Variants in ZHX2 observed in about 807,000 individuals in gnomAD.
The protein encoded by ZHX2 is zinc fingers and homeoboxes 2, also known as zinc fingers and homeoboxes protein 2.
ZHX2 carries 6 observed loss-of-function variants against 21.9 expected under a neutral mutation model. That is an observed-to-expected ratio of 0.27 (90% CI 0.15 to 0.54). The LOEUF (loss-of-function observed/expected upper bound fraction) is 0.54, where lower values mean the gene tolerates loss of function less well. Ranked by LOEUF, ZHX2 falls within the 20% of genes least tolerant of loss-of-function variation. The pLI is 0.95. For missense variants in ZHX2, 908 were observed against 1,090.7 expected (o/e 0.83, Z 2.36); for synonymous variants, 434 against 437.1 (o/e 0.99, Z 0.09).
chr8:122,916,471 G>C (rs1438640064), intron 2 of ZHX2, among the ~76,000 whole-genome samples: 1 of 152,110 alleles, frequency 6.6e-6, no homozygotes, highest in Non-Finnish European at 1.5e-5. Flanking sequence ...GAGGGGCTTC[G>C]GTGCCTTTCT....
intron 1 of ZHX2, among the ~76,000 whole-genome samples, chr8:122,807,572 G>A (rs77471573): frequency 0.032 from 4,903 of 152,296 alleles, 100 homozygotes; most frequent in Middle Eastern, 0.061. Flanking sequence ...TGGAAAACAC[G>A]TGTTATGCCC....
At chr8:122,845,089 G>A (rs1237667129) in intron 1 of ZHX2, among the ~76,000 whole-genome samples, 1 of 152,074 alleles carries the variant, frequency 6.6e-6, no homozygotes, top group Non-Finnish European at 1.5e-5. Flanking sequence ...TACAAACACA[G>A]ACAGACAAAG....
chr8:122,958,485 T>C (rs1813362432), intron 3 of ZHX2, among the ~76,000 whole-genome samples: 1 of 152,252 alleles, frequency 6.6e-6, no homozygotes, highest in Admixed American at 6.5e-5. Context: ...TTCCCATTAA[T>C]TGACACCCAC....
At chr8:122,827,346 C>G (rs6470119) in intron 1 of ZHX2, among the ~76,000 whole-genome samples, 4,067 of 151,942 alleles carry the variant, frequency 0.027, 199 homozygotes, top group African/African-American at 0.093. Context: ...CCTACGTAAG[C>G]TTTTTTTTAA....
chr8:122,842,300 C>T (rs59623949), intron 1 of ZHX2, among the ~76,000 whole-genome samples: 4,580 of 152,348 alleles, frequency 0.03, 232 homozygotes, highest in African/African-American at 0.1. Context: ...CCTACCAGGC[C>T]TGCTTCCCCA....
At chr8:122,930,357 T>G (rs1820954265) in intron 2 of ZHX2, among the ~76,000 whole-genome samples, 2 of 152,226 alleles carry the variant, frequency 1.3e-5, no homozygotes, top group African/African-American at 4.8e-5. Context: ...CAGAATTGCT[T>G]AGAAATGTGA....
chr8:122,885,273 C>A (rs1819813631), intron 2 of ZHX2, among the ~76,000 whole-genome samples: 1 of 152,202 alleles, frequency 6.6e-6, no homozygotes, highest in African/African-American at 2.4e-5. Flanking sequence ...GCAGAATGAT[C>A]TTTGGCAAGT....
chr8:122,910,749 TG>T (rs1287645517), intron 2 of ZHX2, among the ~76,000 whole-genome samples: 4 of 128,328 alleles, frequency 3.1e-5, no homozygotes, highest in South Asian at 6.0e-4. Context: ...GGGTGGGGGG[TG>T]GGGGGTGAGG....
At chr8:122,796,860 A>G (rs139664583) in intron 1 of ZHX2, among the ~76,000 whole-genome samples, 2 of 152,326 alleles carry the variant, frequency 1.3e-5, no homozygotes, top group African/African-American at 4.8e-5. Flanking sequence ...GTGGGAAGAC[A>G]GTAAAATCTG....
chr8:122,930,029 A>G (rs989349691), intron 2 of ZHX2, among the ~76,000 whole-genome samples: 8 of 152,200 alleles, frequency 5.3e-5, no homozygotes, highest in African/African-American at 1.9e-4. Flanking sequence ...TCTAAAACCC[A>G]GAAGGTAACA....
intron 1 of ZHX2, among the ~76,000 whole-genome samples, chr8:122,835,483 G>A (rs1818473307): frequency 6.6e-6 from 1 of 152,166 alleles, no homozygotes; most frequent in Non-Finnish European, 1.5e-5. Flanking sequence ...GGCAATACTA[G>A]AATTGTCCTG....
Position 122,828,744 on chromosome 8 carries a change from T to A in ZHX2, c.-282-34733T>A, listed in dbSNP as rs1818312705. On this transcript the variant is annotated intron_variant, in intron 1 of 3. Transcript: ENST00000314393. This position sits in a 1 kb window ranked among gnomAD's most constrained non-coding sequence, Gnocchi z 5.2. Reference sequence around the variant, plus strand: ...CACGCTTCGCAGGGCTGATGGATCGTGCCTGCAAAGGGGTTCTTGGAAGGC... The same window carrying A: ...CACGCTTCGCAGGGCTGATGGATCGAGCCTGCAAAGGGGTTCTTGGAAGGC... 6.6e-6 allele frequency among the ~76,000 whole-genome samples: 1 copy of A among 152,224 alleles called. No individual in the cohort carries two copies. The highest frequency in any genetic ancestry group is 2.4e-5 in the African/African-American group (1 of 41,464).
chr8:122,799,303 C>T (rs1027691362), intron 1 of ZHX2, among the ~76,000 whole-genome samples: 6 of 152,166 alleles, frequency 3.9e-5, no homozygotes, highest in Non-Finnish European at 5.9e-5. Flanking sequence ...CTCTTTCCTC[C>T]GTCACAGAGA....
intron 1 of ZHX2, among the ~76,000 whole-genome samples, chr8:122,842,639 G>A (rs1326665117): frequency 3.3e-5 from 5 of 152,238 alleles, no homozygotes; most frequent in East Asian, 1.9e-4. Context: ...CCCGGGAGGC[G>A]GAGCTGGCAA....
chr8:122,918,923 G>A (rs951754286), intron 2 of ZHX2, among the ~76,000 whole-genome samples: 1 of 151,138 alleles, frequency 6.6e-6, no homozygotes, highest in African/African-American at 2.4e-5. Context: ...ACTCCAGACT[G>A]GTGACCGAGC....
intron 3 of ZHX2, among the ~76,000 whole-genome samples, chr8:122,956,343 G>A (rs1210534412): frequency 1.3e-5 from 2 of 152,194 alleles, no homozygotes; most frequent in African/African-American, 4.8e-5. Context: ...CATTCACTGT[G>A]GAGCTCGGGC....
chr8:122,942,111 G>A (rs183726091), intron 2 of ZHX2, among the ~76,000 whole-genome samples: 8 of 152,274 alleles, frequency 5.3e-5, no homozygotes, highest in Admixed American at 5.2e-4. Flanking sequence ...GGTTGCTGGA[G>A]CTCAGAGTAA....
intron 2 of ZHX2, among the ~76,000 whole-genome samples, chr8:122,948,173 C>T (rs1465523973): frequency 1.3e-5 from 2 of 152,122 alleles, no homozygotes; most frequent in Non-Finnish European, 2.9e-5. Context: ...CCTAGACTCT[C>T]AGAGTTGTTT....
chr8:122,843,826 A>G (rs1818690421), intron 1 of ZHX2, among the ~76,000 whole-genome samples: 1 of 152,170 alleles, frequency 6.6e-6, no homozygotes, highest in Non-Finnish European at 1.5e-5. Flanking sequence ...CTTTCTCCCT[A>G]ATTTCTAAAG....
Sources: gnomAD v4.1 joint callset for allele counts (sites outside exome capture counted in the v4.1 genomes callset) on GRCh38, gnomAD v4.1.1 for gene constraint, Gnocchi (gnomAD v3.1) non-coding constraint, MANE v1.5 for transcripts, NCBI Gene and HGNC (gene_info 2026-07-23, HGNC 2026-07-21) for gene names.